ZYG11A: variants seen among roughly 807,000 people sequenced by gnomAD.
ZYG11A encodes protein zyg-11 homolog A.
A neutral mutation model predicts 77.2 loss-of-function variants in ZYG11A; 62 were observed. The ratio of observed to expected loss-of-function variants is 0.80; its 90% CI spans 0.65 to 0.99. ZYG11A has a LOEUF of 0.99. Among genes scored for constraint, ZYG11A ranks in the 50% least tolerant of loss-of-function variants. The pLI is 0.00. For synonymous variants in ZYG11A, 315 were observed against 324.6 expected (o/e 0.97, Z 0.32); for missense variants, 828 against 896.8 (o/e 0.92, Z 0.98).
intron 11 of ZYG11A, among the ~76,000 whole-genome samples, chr1:52,884,019 G>A (rs1449264357): frequency 5.9e-5 from 9 of 151,764 alleles, no homozygotes; most frequent in African/African-American, 2.2e-4. Flanking sequence ...GATTACAGGC[G>A]CCTGCCACCA....
intron 11 of ZYG11A, among the ~76,000 whole-genome samples, chr1:52,882,255 T>C (rs1646376749): frequency 6.6e-6 from 1 of 152,238 alleles, no homozygotes; most frequent in Non-Finnish European, 1.5e-5. Flanking sequence ...TTTAGGAATC[T>C]ATCAATTCAT....
In ZYG11A at chr1:52,893,189, A is replaced by T; in HGVS notation, c.*232A>T. On this transcript the variant is annotated 3_prime_UTR_variant, in exon 14 of 14. Coordinates refer to ENST00000371528, the MANE Select transcript of ZYG11A (RefSeq NM_001004339.3). Reference sequence around the variant, plus strand: ...GCAATTTTGAAGACTCAAACCGTGGACTCTGGGAAGGCCTGGGAGCTTGTG... The same window carrying T: ...GCAATTTTGAAGACTCAAACCGTGGTCTCTGGGAAGGCCTGGGAGCTTGTG... 1 of 470,872 alleles carries T rather than the reference A, an allele frequency of 2.1e-6. No individual in the cohort carries two copies. The highest frequency in any genetic ancestry group is 2.7e-5 in the South Asian group (1 of 36,398). The allele number at this position is 470,872 out of a possible 1,614,324, so 29.2% of individuals were successfully genotyped here.
intron 8 of ZYG11A, among the ~76,000 whole-genome samples, chr1:52,873,109 C>T: frequency 6.6e-6 from 1 of 151,480 alleles, no homozygotes; most frequent in Non-Finnish European, 1.5e-5. Flanking sequence ...TACTTGAGGC[C>T]AGGAATTTGA....
intron 1 of ZYG11A, 52 bp from the exon 2 acceptor site, chr1:52,854,413 G>T: frequency 6.8e-7 from 1 of 1,473,754 alleles, no homozygotes; most frequent in South Asian, 1.4e-5. Flanking sequence ...GTTTTATGTT[G>T]AATTGTTGCA....
In ZYG11A at chr1:52,864,105, A is replaced by T; in HGVS notation, c.1274A>T (p.Glu425Val). Residue 425 changes from glutamate to valine, a missense_variant, in exon 5 of 14, where the codon GAG (glutamate) becomes GTG (valine). Transcript: ENST00000371528. The stretch of plus-strand genomic sequence containing the variant: ...GGGATGCCTGTTCGCCTGTTGTCAG[A>T]GGTCACCTGTCTACTTTTCAAGGCT... ...AKGMPVRLLS[E>V]VTCLLFKALK... 6.4e-7 allele frequency: 1 copy of T among 1,551,956 alleles called. No individual in the cohort carries two copies. The highest frequency in any genetic ancestry group is 8.7e-7 in the Non-Finnish European group (1 of 1,147,060).
Position 52,887,020 on chromosome 1 carries a change from C to T in ZYG11A, c.2071C>T (p.Leu691=), listed in dbSNP as rs1362076496. ...TCAACCAGAGGTTCAGCTCTGGGCA[C>T]TATGGGCTATGTATCATGTCTGCAG... The part of the protein sequence containing the change: ...FSQPEVQLWA[L]WAMYHVCSKN... Residue 691 remains leucine, a synonymous_variant, in exon 13 of 14, where the codon CTA becomes TTA. Coordinates refer to ENST00000371528, the MANE Select transcript of ZYG11A (RefSeq NM_001004339.3). 6.5e-7 allele frequency: 1 copy of T among 1,546,642 alleles called. No individual in the cohort carries two copies. Among genetic ancestry groups the T allele is most frequent in the Non-Finnish European group, 8.7e-7 (1 of 1,143,230 alleles).
chr1:52,866,885 A>G (rs183857532), intron 6 of ZYG11A, among the ~76,000 whole-genome samples: 38 of 152,322 alleles, frequency 2.5e-4, no homozygotes, highest in Admixed American at 1.4e-3. Context: ...AGTGTCTGTA[A>G]AGTACTTAAT....
At position 52,847,665 on chromosome 1, in the gene ZYG11A, C is replaced by T. The variant is rs370655106; in HGVS notation, c.90+4692C>T. On this transcript the variant is annotated intron_variant, in intron 1 of 13. Transcript: ENST00000371528. The stretch of plus-strand genomic sequence containing the variant: ...CTGACAGTGTTTCCCCTGTACTGTA[C>T]TTTGTTTTTTTTTTTTTTTCCTTGG... Among the ~76,000 whole-genome samples, 33 of 147,492 alleles carry T rather than the reference C, an allele frequency of 2.2e-4. No individual in the cohort carries two copies. The East Asian group carries it at 5.9e-3, about 26-fold the overall frequency.
In ZYG11A at chr1:52,893,457, A is replaced by G. The variant is rs552062448; in HGVS notation, c.*500A>G. On this transcript the variant is annotated 3_prime_UTR_variant, in exon 14 of 14. Coordinates refer to ENST00000371528, the MANE Select transcript of ZYG11A (RefSeq NM_001004339.3). ...CCCCTGTTGGAGAGCGGGGAAAAGA[A>G]TTTATTTATTTATTTATTTATCTAT... 6.5e-6 allele frequency: 1 copy of G among 152,972 alleles called. No homozygotes were observed. Among genetic ancestry groups the G allele is most frequent in the African/African-American group, 2.4e-5 (1 of 41,514 alleles). 9.5% of individuals were successfully genotyped at this position (152,972 alleles called of 1,614,324 possible). A position where few individuals can be genotyped will look rare whatever the true frequency, so the allele number is the denominator to read the frequency against.
intron 1 of ZYG11A, among the ~76,000 whole-genome samples, chr1:52,846,318 A>ATATT (rs1645579960): frequency 2.4e-4 from 1 of 4,214 alleles, no homozygotes; most frequent in Admixed American, 1.5e-3. Context: ...TTTTATATAT[A>ATATT]TATATATATA....
At chr1:52,867,510 T>C (rs1223050934) in intron 6 of ZYG11A, 29 bp from the exon 7 acceptor site, 9 of 1,426,788 alleles carry the variant, frequency 6.3e-6, no homozygotes, top group Non-Finnish European at 6.8e-6. Flanking sequence ...TTATATATAA[T>C]TGTGAGAAAA....
chr1:52,871,734 C>T (rs949553992), intron 8 of ZYG11A, among the ~76,000 whole-genome samples: 1 of 152,136 alleles, frequency 6.6e-6, no homozygotes, highest in African/African-American at 2.4e-5. Context: ...AAGATCTGTC[C>T]TCGGATTTCT....
chr1:52,885,664 T>C (rs1571881367), intron 11 of ZYG11A, among the ~76,000 whole-genome samples, 169 bp from the exon 12 acceptor site: 1 of 119,078 alleles, frequency 8.4e-6, no homozygotes, highest in East Asian at 1.9e-4. Flanking sequence ...CTTGTTCTTG[T>C]AATTTTTCCC....
rs1218745006 is a variant in ZYG11A at position 52,894,239 on chromosome 1, T to C, written c.*1282T>C. The stretch of plus-strand genomic sequence containing the variant: ...TTGCAGACAGTGTTTAGATGAAAGA[T>C]TACATGTAATGATAAATCTGAATCC... On this transcript the variant is annotated 3_prime_UTR_variant, in exon 14 of 14. Coordinates refer to ENST00000371528, the MANE Select transcript of ZYG11A (RefSeq NM_001004339.3). The C allele has an allele frequency of 6.6e-6, 1 of 152,140 alleles. No individual in the cohort carries two copies. The highest frequency in any genetic ancestry group is 1.9e-4 in the East Asian group (1 of 5,192). The allele number at this position is 152,140 out of a possible 1,614,324, so 9.4% of individuals were successfully genotyped here. A position where few individuals can be genotyped will look rare whatever the true frequency, so the allele number is the denominator to read the frequency against.
intron 5 of ZYG11A, among the ~76,000 whole-genome samples, chr1:52,866,254 A>T (rs901489611): frequency 2.0e-5 from 3 of 152,050 alleles, no homozygotes; most frequent in Admixed American, 1.3e-4. Flanking sequence ...TTGATTTTTT[A>T]AAAATACAGT....
chr1:52,882,328 G>A (rs916238799), intron 11 of ZYG11A, among the ~76,000 whole-genome samples: 1 of 152,180 alleles, frequency 6.6e-6, no homozygotes, highest in African/African-American at 2.4e-5. Context: ...CTTTCTAAGT[G>A]TATACTCAAG....
intron 5 of ZYG11A, 73 bp downstream of exon 5, chr1:52,864,230 G>C: frequency 1.4e-6 from 2 of 1,411,818 alleles, no homozygotes; most frequent in South Asian, 1.4e-5. Flanking sequence ...GCCCAGGCCA[G>C]AGTGCCGTGG....
chr1:52,883,608 G>A (rs2150019745), intron 11 of ZYG11A, among the ~76,000 whole-genome samples: 1 of 150,476 alleles, frequency 6.6e-6, no homozygotes, highest in South Asian at 2.1e-4. Flanking sequence ...TGTACTTTTA[G>A]TAGTGACAGG....
intron 3 of ZYG11A, among the ~76,000 whole-genome samples, chr1:52,858,166 G>A (rs1241453476): frequency 2.0e-5 from 3 of 149,986 alleles, no homozygotes; most frequent in Admixed American, 2.0e-4. Context: ...GGAGGCCAAG[G>A]CGGGCAGATC....
Sources: allele counts gnomAD v4.1 joint callset (sites outside exome capture counted in the v4.1 genomes callset), GRCh38; gene constraint gnomAD v4.1.1; transcripts MANE v1.5; gene names NCBI Gene and HGNC (gene_info 2026-07-23, HGNC 2026-07-21).